Variants in RIMKLB observed in about 807,000 individuals in gnomAD.
RIMKLB encodes ribosomal modification protein rimK like family member B.
Under a neutral mutation model 32.0 loss-of-function variants are expected in RIMKLB, and 7 were observed. The observed-to-expected ratio is 0.22, with a 90% confidence interval of 0.12 to 0.41. The LOEUF is 0.41. RIMKLB is among the 10% of genes least tolerant of loss of function. RIMKLB has a pLI of 1.00. For missense variants in RIMKLB, 289 were observed against 498.7 expected, an observed-to-expected ratio of 0.58 and a Z score of 4.00; for synonymous variants, 172 against 185.1, an observed-to-expected ratio of 0.93 and a Z score of 0.57.
intron 1 of RIMKLB, among the ~76,000 whole-genome samples, chr12:8,709,991 T>C (rs977396665): frequency 6.6e-6 from 1 of 152,112 alleles, no homozygotes; most frequent in African/African-American, 2.4e-5. Context: ...ATGTGGTTTT[T>C]GTTTTGTTTT....
chr12:8,673,840 G>T, the RIMKLB span, among the ~76,000 whole-genome samples: 3 of 151,862 alleles, frequency 2.0e-5, no homozygotes, highest in Non-Finnish European at 2.9e-5. Context: ...CAGGTGATCC[G>T]CCCGCTTTGG....
At position 8,689,854 on chromosome 12, in the gene RIMKLB, T is replaced by G. The variant is rs145338832; in HGVS notation, n.219+8036T>G. Among the ~76,000 whole-genome samples, 212 of 152,224 alleles carry G rather than the reference T, an allele frequency of 1.4e-3. 2 individuals are homozygous for G. The highest frequency in any genetic ancestry group is 3.2e-3 in the Admixed American group (49 of 15,292). On this transcript the variant is annotated intron_variant and non_coding_transcript_variant, in intron 1 of 1. Transcript: ENST00000538758. ...GCAATCAGCCTACAAAAGGCTGACT[T>G]AAAACCTGCCTCTGTAAATCCCCCC...
chr12:8,743,794 A>G (rs1257094923), intron 2 of RIMKLB, among the ~76,000 whole-genome samples: 1 of 151,964 alleles, frequency 6.6e-6, no homozygotes, highest in East Asian at 1.9e-4. Context: ...GGGTTAACTT[A>G]TTAACCTTAT....
intron 2 of RIMKLB, among the ~76,000 whole-genome samples, chr12:8,723,536 G>A (rs907177151): frequency 2.0e-5 from 3 of 152,116 alleles, no homozygotes; most frequent in East Asian, 1.9e-4. Context: ...ACACAGGGTC[G>A]CCACAAATCT....
At chr12:8,765,908 C>T (rs1218727538) in intron 5 of RIMKLB, among the ~76,000 whole-genome samples, 1 of 151,986 alleles carries the variant, frequency 6.6e-6, no homozygotes, top group African/African-American at 2.4e-5. Context: ...TTTTTTTATA[C>T]AAAAGAGGTC....
At chr12:8,686,638 C>T (rs963332030) in intron 1 of RIMKLB, among the ~76,000 whole-genome samples, 18 of 151,052 alleles carry the variant, frequency 1.2e-4, no homozygotes, top group African/African-American at 4.4e-4. Context: ...CGCCACCACG[C>T]CCGGCTAATT....
intron 2 of RIMKLB, 43 bp downstream of exon 2, chr12:8,714,084 A>G (rs1944597166): frequency 6.5e-7 from 1 of 1,529,870 alleles, no homozygotes. Flanking sequence ...TTTACCTAGA[A>G]TATGATGAAT....
chr12:8,739,112 A>G (rs111677879), intron 2 of RIMKLB, among the ~76,000 whole-genome samples: 4,402 of 152,320 alleles, frequency 0.029, 212 homozygotes, highest in African/African-American at 0.1. Flanking sequence ...TTGGGCTGCT[A>G]TAACAAATTA....
Position 8,775,881 on chromosome 12 carries a change from G to T in RIMKLB, c.*2097G>T. On this transcript the variant is annotated 3_prime_UTR_variant, in exon 6 of 6. Coordinates refer to ENST00000535829, the MANE Select transcript of RIMKLB (RefSeq NM_001297776.2). ...CTTATCTTGCGCAGGGTAAATGGGG[G>T]ACTCACATACATATATTAATACCTC... 1 of 985,070 alleles carries T rather than the reference G, an allele frequency of 1.0e-6. No individual in the cohort carries two copies. Among genetic ancestry groups the T allele is most frequent in the African/African-American group, 1.7e-5 (1 of 57,316 alleles). The allele number at this position is 985,070 out of a possible 1,614,324, so 61.0% of individuals were successfully genotyped here. A position where few individuals can be genotyped will look rare whatever the true frequency, so the allele number is the denominator to read the frequency against.
chr12:8,688,657 C>T (rs1942647343), intron 1 of RIMKLB, among the ~76,000 whole-genome samples: 1 of 151,794 alleles, frequency 6.6e-6, no homozygotes, highest in Non-Finnish European at 1.5e-5. Flanking sequence ...ATTTTTAAAC[C>T]TTAACAATTA....
chr12:8,773,260 CTTTAA>C (rs1273752137), intron 5 of RIMKLB, 56 bp from the exon 6 acceptor site: 3 of 1,278,042 alleles, frequency 2.3e-6, no homozygotes, highest in East Asian at 4.6e-5. Context: ...TGGAGGCCAA[CTTTAA>C]TTTTATTTCA....
At chr12:8,703,753 T>G (rs1329192075) in intron 1 of RIMKLB, among the ~76,000 whole-genome samples, 2 of 152,210 alleles carry the variant, frequency 1.3e-5, no homozygotes, top group African/African-American at 4.8e-5. Context: ...TTAAACAAGT[T>G]ATCTAACCTT....
chr12:8,718,969 C>T (rs1199502395), intron 2 of RIMKLB, among the ~76,000 whole-genome samples: 1 of 152,150 alleles, frequency 6.6e-6, no homozygotes, highest in Non-Finnish European at 1.5e-5. Flanking sequence ...GTATCCACCA[C>T]TGTGGTATCA....
At position 8,775,755 on chromosome 12, in the gene RIMKLB, GTA is replaced by G. The variant is rs1288466149; in HGVS notation, c.*1972_*1973del. The G allele has an allele frequency of 2.5e-5, 25 of 985,350 alleles. No individual in the cohort carries two copies. The Admixed American group carries it at 4.9e-4, about 19-fold the overall frequency. 61.0% of individuals were successfully genotyped at this position (985,350 alleles called of 1,614,324 possible). On this transcript the variant is annotated 3_prime_UTR_variant, in exon 6 of 6. Coordinates refer to ENST00000535829, the MANE Select transcript of RIMKLB (RefSeq NM_001297776.2). ...AGGTTGATTGTTGATGAATAGAATA[GTA>G]CCTCTCATCTGTGCAGTGTCTCATT...
intron 2 of RIMKLB, among the ~76,000 whole-genome samples, chr12:8,739,702 T>C (rs1307034139): frequency 6.6e-6 from 1 of 152,132 alleles, no homozygotes; most frequent in Non-Finnish European, 1.5e-5. Flanking sequence ...TTGAACTCCT[T>C]GGGCTCAAGC....
At chr12:8,781,233 C>A (rs937260786), downstream of RIMKLB, among the ~76,000 whole-genome samples, 1 of 151,998 alleles carries the variant, frequency 6.6e-6, no homozygotes, top group African/African-American at 2.4e-5. Flanking sequence ...CCCAGCTACG[C>A]GGGAGGCTGA....
At position 8,718,665 on chromosome 12, in the gene RIMKLB, A is replaced by ATGTGTG. The variant is rs1168492811; in HGVS notation, c.175+4625_175+4626insGTGTGT. Among the ~76,000 whole-genome samples the ATGTGTG allele has an allele frequency of 3.1e-3, 325 of 104,284 alleles. 3 individuals are homozygous for ATGTGTG. Among genetic ancestry groups the ATGTGTG allele is most frequent in the African/African-American group, 6.2e-3 (177 of 28,506 alleles). The allele number at this position is 104,284 out of a possible 152,430, so 68.4% of individuals were successfully genotyped here. On this transcript the variant is annotated intron_variant, in intron 2 of 5. Transcript: ENST00000535829. ...TCTCTCTCTCTCTCTATATATATAT[A>ATGTGTG]TATATGTGTGTGTGTGTGTGTGTGT...
At chr12:8,670,687 G>A in the RIMKLB span, among the ~76,000 whole-genome samples, 2 of 152,216 alleles carry the variant, frequency 1.3e-5, no homozygotes, top group African/African-American at 4.8e-5. Flanking sequence ...GGTCTGGGGG[G>A]CCATGGCCGT....
chr12:8,782,351 TTTA>T (rs1369611648), intron 7 of RIMKLB, among the ~76,000 whole-genome samples: 1 of 151,212 alleles, frequency 6.6e-6, no homozygotes, highest in Non-Finnish European at 1.5e-5. Flanking sequence ...CATAATTGTC[TTTA>T]TTATAGGATT....
Sources: gnomAD v4.1 joint callset for allele counts (sites outside exome capture counted in the v4.1 genomes callset) on GRCh38, gnomAD v4.1.1 for gene constraint, MANE v1.5 for transcripts, NCBI Gene and HGNC (gene_info 2026-07-23, HGNC 2026-07-21) for gene names.